DLG2: variants seen among roughly 807,000 people sequenced by gnomAD.
The protein encoded by DLG2 is disks large homolog 2.
A neutral mutation model predicts 132.5 loss-of-function variants in DLG2; 45 were observed. The observed-to-expected ratio is 0.34, with a 90% CI of 0.27 to 0.44. The LOEUF (loss-of-function observed/expected upper bound fraction) is 0.44. DLG2 is among the 20% of genes least tolerant of loss of function. The pLI is 1.00. For synonymous variants in DLG2, 424 were observed against 419.6 expected, an observed-to-expected ratio of 1.01 and a Z score of -0.13; for missense variants, 1,045 against 1,196.9, an observed-to-expected ratio of 0.87 and a Z score of 1.87.
chr11:85,068,423 T>C (rs1487895800), intron 6 of DLG2, among the ~76,000 whole-genome samples: 1 of 152,124 alleles, frequency 6.6e-6, no homozygotes, highest in Non-Finnish European at 1.5e-5. Context: ...GCCCAAAATC[T>C]CCTTAAGCTG....
intron 16 of DLG2, among the ~76,000 whole-genome samples, chr11:83,849,194 C>T (rs549215120): frequency 2.0e-5 from 3 of 151,488 alleles, no homozygotes; most frequent in African/African-American, 7.3e-5. Context: ...TTTTTATATC[C>T]CAAAATGGGT....
chr11:83,980,307 A>G (rs2092671876), intron 12 of DLG2, among the ~76,000 whole-genome samples, 199 bp downstream of exon 12: 1 of 152,214 alleles, frequency 6.6e-6, no homozygotes, highest in South Asian at 2.1e-4. Context: ...AGTCAGGAAG[A>G]GAGCCCTCAC....
At chr11:84,244,841 G>T (rs1486998749) in intron 8 of DLG2, among the ~76,000 whole-genome samples, 2 of 152,178 alleles carry the variant, frequency 1.3e-5, no homozygotes, top group African/African-American at 2.4e-5. Flanking sequence ...TGCCAGGATG[G>T]TTCAAAGGAA....
At chr11:84,543,072 G>A (rs1032057498) in intron 6 of DLG2, among the ~76,000 whole-genome samples, 1 of 151,604 alleles carries the variant, frequency 6.6e-6, no homozygotes, top group Non-Finnish European at 1.5e-5. Context: ...GGAAAACATG[G>A]GTAAAAAAGA....
chr11:85,151,658 T>A (rs560812577), intron 5 of DLG2, among the ~76,000 whole-genome samples: 4 of 152,236 alleles, frequency 2.6e-5, no homozygotes, highest in African/African-American at 9.6e-5. Flanking sequence ...CTTTCCCCAG[T>A]GGTAGTCCTA....
rs181552489 is a variant in DLG2, at chr11:85,554,511, A to C, written c.40+44146T>G. Among the ~76,000 whole-genome samples the C allele has an allele frequency of 1.1e-3, 168 of 151,928 alleles. 2 individuals are homozygous for C. Among genetic ancestry groups the C allele is most frequent in the African/African-American group, 3.9e-3 (162 of 41,522 alleles). ...CTAACATCACAAGCTGGCTGTCCTCACTCATTCCTAAATACAGGCCAAGCT... is the reference window on the plus strand; with the variant it reads ...CTAACATCACAAGCTGGCTGTCCTCCCTCATTCCTAAATACAGGCCAAGCT... On this transcript the variant is annotated intron_variant, in intron 3 of 27. Coordinates refer to ENST00000376104, the MANE Select transcript of DLG2 (RefSeq NM_001142699.3).
At chr11:84,195,698 A>G (rs2096502568) in intron 8 of DLG2, among the ~76,000 whole-genome samples, 1 of 152,186 alleles carries the variant, frequency 6.6e-6, no homozygotes, top group East Asian at 1.9e-4. Context: ...TGATAAATAC[A>G]TGTTTGCGCA....
At position 85,219,313 on chromosome 11, in the gene DLG2, T is replaced by C. The variant is rs191053257; in HGVS notation, c.187-64662A>G. Reference sequence around the variant, plus strand: ...CTCTAGGCTAGATTATATACTCCACTTCTGTGTTCTCTGAGTTTAATTCTC... The same window carrying C: ...CTCTAGGCTAGATTATATACTCCACCTCTGTGTTCTCTGAGTTTAATTCTC... On this transcript the variant is annotated intron_variant, in intron 4 of 27. Coordinates refer to ENST00000376104, the MANE Select transcript of DLG2 (RefSeq NM_001142699.3). Among the ~76,000 whole-genome samples, 341 of 152,322 alleles carry C rather than the reference T, an allele frequency of 2.2e-3. 1 individual carries two copies. Among genetic ancestry groups the C allele is most frequent in the Middle Eastern group, 0.01 (3 of 294 alleles).
At chr11:84,032,076 C>T (rs2095712455) in intron 11 of DLG2, among the ~76,000 whole-genome samples, 1 of 152,136 alleles carries the variant, frequency 6.6e-6, no homozygotes, top group Admixed American at 6.5e-5. Flanking sequence ...CCTGTTCTCG[C>T]TCCCTCTTCT....
At chr11:85,302,670 CAGTT>C (rs2079670339) in intron 3 of DLG2, among the ~76,000 whole-genome samples, 1 of 149,220 alleles carries the variant, frequency 6.7e-6, no homozygotes. Context: ...AAAAAACAGT[CAGTT>C]AGTTGATAAT....
chr11:85,019,385 G>A (rs369908212), intron 6 of DLG2, among the ~76,000 whole-genome samples: 4 of 152,194 alleles, frequency 2.6e-5, no homozygotes, highest in African/African-American at 9.6e-5. Flanking sequence ...TAGGGGAGAG[G>A]ATCTGGTGAA....
intron 18 of DLG2, among the ~76,000 whole-genome samples, chr11:83,781,558 C>A (rs760957616): frequency 6.6e-6 from 1 of 152,142 alleles, no homozygotes; most frequent in South Asian, 2.1e-4. Flanking sequence ...GAAATCAGGT[C>A]CCTTCACTAT....
rs531663504 is a variant in DLG2, at chr11:83,967,654, G to C, written c.1057-2186C>G. On this transcript the variant is annotated intron_variant, in intron 12 of 27. Transcript: ENST00000376104. ...TTATTAACCTATCATCAGATATATG[G>C]TTTGCAATTTTTTCCCAATTTGTTT... 2.0e-5 allele frequency among the ~76,000 whole-genome samples: 3 copies of C among 151,892 alleles called. No homozygotes were observed. The South Asian group carries it at 6.2e-4, about 31-fold the overall frequency.
intron 21 of DLG2, among the ~76,000 whole-genome samples, chr11:83,526,315 A>C (rs1409817808): frequency 6.6e-6 from 1 of 152,192 alleles, no homozygotes; most frequent in Non-Finnish European, 1.5e-5. Context: ...TTACACCCAG[A>C]ATACTGTAAT....
At chr11:85,462,454 G>T (rs574503086) in intron 3 of DLG2, among the ~76,000 whole-genome samples, 130 of 152,196 alleles carry the variant, frequency 8.5e-4, no homozygotes, top group Non-Finnish European at 1.4e-3. Flanking sequence ...ACATACACCA[G>T]GGAATACTAT....
At chr11:84,845,552 T>C (rs907446091) in intron 6 of DLG2, among the ~76,000 whole-genome samples, 1 of 152,148 alleles carries the variant, frequency 6.6e-6, no homozygotes, top group Non-Finnish European at 1.5e-5. Flanking sequence ...CCTTATCTTA[T>C]AGATCATTGA....
chr11:85,501,508 G>A (rs2093802731), intron 3 of DLG2, among the ~76,000 whole-genome samples: 1 of 152,098 alleles, frequency 6.6e-6, no homozygotes, highest in African/African-American at 2.4e-5. Flanking sequence ...GAAAATTTTT[G>A]CAATCTATCC....
intron 3 of DLG2, among the ~76,000 whole-genome samples, chr11:85,333,519 G>A (rs1329819701): frequency 6.6e-6 from 1 of 152,118 alleles, no homozygotes; most frequent in Non-Finnish European, 1.5e-5. Context: ...CCAGTTCTCA[G>A]AGGGATTGCT....
In DLG2 at chr11:84,550,115, T is replaced by TACACACAC. The variant is rs60598747; in HGVS notation, c.358-15392_358-15385dup. The stretch of plus-strand genomic sequence containing the variant: ...TTCCAAGTATTGTAAAACGAGCCTA[T>TACACACAC]ACACACACACACACACACACACACA... On this transcript the variant is annotated intron_variant, in intron 6 of 27. Transcript: ENST00000376104. 1.1e-3 allele frequency among the ~76,000 whole-genome samples: 160 copies of TACACACAC among 145,930 alleles called. No individual in the cohort carries two copies. The East Asian group carries it at 0.012, about 11-fold the overall frequency.
Sources: allele counts gnomAD v4.1 joint callset (sites outside exome capture counted in the v4.1 genomes callset), GRCh38; gene constraint gnomAD v4.1.1; transcripts MANE v1.5; gene names NCBI Gene and HGNC (gene_info 2026-07-23, HGNC 2026-07-21).